The following PDK1 variants were observed in gnomAD, a reference collection of about 807,000 sequenced individuals.
PDK1 encodes pyruvate dehydrogenase kinase 1.
PDK1 carries 39 observed loss-of-function variants against 54.2 expected under a neutral mutation model. The observed-to-expected ratio is 0.72, with a 90% CI of 0.56 to 0.94. PDK1 has a LOEUF of 0.94. Ranked by LOEUF, PDK1 falls within the 40% of genes least tolerant of loss-of-function variation. PDK1 has a pLI of 0.00. For missense variants in PDK1, 552 were observed against 566.0 expected (o/e 0.98, Z 0.25); for synonymous variants, 221 against 207.1 (o/e 1.07, Z -0.58).
chr2:172,648,296 T>C, the PDK1 span, among the ~76,000 whole-genome samples: 4 of 152,236 alleles, frequency 2.6e-5, no homozygotes, highest in African/African-American at 9.6e-5. Flanking sequence ...GTGAAAGATA[T>C]ATATTAGTAA....
chr2:172,719,063 T>G, the PDK1 span, among the ~76,000 whole-genome samples: 4 of 152,180 alleles, frequency 2.6e-5, no homozygotes, highest in East Asian at 1.9e-4. Context: ...GTACTAAAAA[T>G]TAGATCATTA....
chr2:172,665,724 G>A, the PDK1 span, among the ~76,000 whole-genome samples: 1 of 152,228 alleles, frequency 6.6e-6, no homozygotes, highest in Admixed American at 6.5e-5. Context: ...TGCAGCGTTG[G>A]CATTTTAAAA....
At chr2:172,619,369 C>G in the PDK1 span, among the ~76,000 whole-genome samples, 3 of 152,180 alleles carry the variant, frequency 2.0e-5, no homozygotes, top group Non-Finnish European at 4.4e-5. Flanking sequence ...AACAAATTTC[C>G]ATAGCTCAGT....
chr2:172,683,472 A>G, the PDK1 span, among the ~76,000 whole-genome samples: 2 of 152,170 alleles, frequency 1.3e-5, no homozygotes, highest in South Asian at 2.1e-4. Context: ...GCTTCCAGTC[A>G]TGGCAGAAGG....
At position 172,556,201 on chromosome 2, in the gene PDK1, G is replaced by GGGCCCC. The variant is rs1485077546; in HGVS notation, c.53_54insCCCCGG (p.Pro17_Gly18dup). ...GAGCCGCCTTGGCCGGCCCGGGCCC[G>GGGCCCC]GGGCTGCGCGCCGCCGGCTTCAGCC... On this transcript the variant is annotated inframe_insertion, in exon 1 of 11. Transcript: ENST00000282077. 7.1e-7 allele frequency: 1 copy of GGGCCCC among 1,414,806 alleles called. No homozygotes were observed. The highest frequency in any genetic ancestry group is 1.5e-5 in the African/African-American group (1 of 66,078). The allele number at this position is 1,414,806 out of a possible 1,614,324, so 87.6% of individuals were successfully genotyped here.
At chr2:172,616,697 T>C in the PDK1 span, among the ~76,000 whole-genome samples, 1 of 152,206 alleles carries the variant, frequency 6.6e-6, no homozygotes, top group Non-Finnish European at 1.5e-5. Flanking sequence ...TGATGGGTTA[T>C]TTTTTAATTT....
intron 7 of PDK1, among the ~76,000 whole-genome samples, chr2:172,570,178 G>T (rs1000132456): frequency 3.3e-5 from 5 of 152,012 alleles, no homozygotes; most frequent in Non-Finnish European, 2.9e-5. Context: ...ATTGTTTAAG[G>T]CTTCTGATAT....
the PDK1 span, among the ~76,000 whole-genome samples, chr2:172,711,681 A>G: frequency 6.6e-6 from 1 of 152,058 alleles, no homozygotes; most frequent in East Asian, 1.9e-4. Flanking sequence ...TCTGGGCAAC[A>G]TAGTGAAATG....
rs1690986439 is a variant in PDK1, at chr2:172,598,165, A to G, written c.*2196A>G. The stretch of plus-strand genomic sequence containing the variant: ...ATTACAGTTTTCTTATAATGTTGAA[A>G]TGTTTTAGAATCCTTTGAATCTAAG... On this transcript the variant is annotated 3_prime_UTR_variant, in exon 11 of 11. Coordinates refer to ENST00000282077, the MANE Select transcript of PDK1 (RefSeq NM_002610.5). 6.6e-6 allele frequency: 1 copy of G among 152,212 alleles called. No homozygotes were observed. Among genetic ancestry groups the G allele is most frequent in the Non-Finnish European group, 1.5e-5 (1 of 68,038 alleles). 9.4% of individuals were successfully genotyped at this position (152,212 alleles called of 1,614,324 possible). A position where few individuals can be genotyped will look rare whatever the true frequency, so the allele number is the denominator to read the frequency against.
intron 3 of PDK1, chr2:172,562,665 C>T: frequency 1.2e-6 from 1 of 817,166 alleles, no homozygotes; most frequent in Admixed American, 2.1e-5. Flanking sequence ...AGGAAAGCTA[C>T]AAGTCTAGAT....
chr2:172,632,432 A>C, the PDK1 span, among the ~76,000 whole-genome samples: 1 of 152,196 alleles, frequency 6.6e-6, no homozygotes, highest in African/African-American at 2.4e-5. Context: ...TCGTGAAAGA[A>C]TTTTAGTGAG....
the PDK1 span, among the ~76,000 whole-genome samples, chr2:172,696,360 A>C: frequency 6.6e-6 from 1 of 152,174 alleles, no homozygotes; most frequent in African/African-American, 2.4e-5. Flanking sequence ...GTTTTGTTTT[A>C]GGCCAATAAC....
chr2:172,612,509 T>A (rs936675873), downstream of PDK1, among the ~76,000 whole-genome samples: 6 of 151,858 alleles, frequency 4.0e-5, no homozygotes, highest in African/African-American at 1.5e-4. Flanking sequence ...TAAGCATAAA[T>A]TTCTCAAACA....
At chr2:172,694,718 T>C in the PDK1 span, among the ~76,000 whole-genome samples, 5 of 152,194 alleles carry the variant, frequency 3.3e-5, no homozygotes, top group Admixed American at 6.5e-5. Context: ...ACTGGAATGA[T>C]TGGGTAAATA....
At chr2:172,655,742 G>T in the PDK1 span, among the ~76,000 whole-genome samples, 1 of 152,226 alleles carries the variant, frequency 6.6e-6, no homozygotes, top group East Asian at 1.9e-4. Context: ...GTTACAGTGT[G>T]CCCTTTTAGC....
In PDK1 at chr2:172,558,880, A is replaced by G. The variant is rs374827406; in HGVS notation, c.338+31A>G. 6 of 1,595,636 alleles carry G rather than the reference A, an allele frequency of 3.8e-6. No homozygotes were observed. The African/African-American group carries it at 8.1e-5, about 22-fold the overall frequency. On this transcript the variant is annotated intron_variant, in intron 2 of 10. Transcript: ENST00000282077. ...ATTCTCATCTTGTGTTTGCAATTTG[A>G]TGGAGTTGTGGACTTTATTCAAGGT...
chr2:172,708,067 C>T, the PDK1 span, among the ~76,000 whole-genome samples: 129 of 152,060 alleles, frequency 8.5e-4, no homozygotes, highest in Middle Eastern at 3.4e-3. Flanking sequence ...TTTTAGAGGT[C>T]GAGGTGAGTA....
At chr2:172,652,337 T>C in the PDK1 span, among the ~76,000 whole-genome samples, 2 of 152,128 alleles carry the variant, frequency 1.3e-5, no homozygotes, top group African/African-American at 4.8e-5. Context: ...TAAGAGCTAT[T>C]TATGACAAAC....
the PDK1 span, among the ~76,000 whole-genome samples, chr2:172,717,325 T>C: frequency 1.1e-4 from 16 of 152,196 alleles, no homozygotes; most frequent in Admixed American, 5.9e-4. Context: ...ACCTCATGGA[T>C]GACCTCGAGC....
Sources: gnomAD v4.1 joint callset for allele counts (sites outside exome capture counted in the v4.1 genomes callset) on GRCh38, gnomAD v4.1.1 for gene constraint, MANE v1.5 for transcripts, NCBI Gene and HGNC (gene_info 2026-07-23, HGNC 2026-07-21) for gene names.